Variants in PAPPA2 observed in about 807,000 individuals in gnomAD.
PAPPA2 encodes the protein pappalysin 2.
Under a neutral mutation model 176.4 loss-of-function variants are expected in PAPPA2, and 86 were observed. The ratio of observed to expected loss-of-function variants is 0.49; its 90% confidence interval spans 0.41 to 0.58. PAPPA2 has a LOEUF of 0.58. Among genes scored for constraint, PAPPA2 ranks in the 20% least tolerant of loss-of-function variants. The probability of loss-of-function intolerance (pLI) is 0.00; values close to 1 mark genes in which losing one functional copy is unlikely to be tolerated. For synonymous variants in PAPPA2, 809 were observed against 852.2 expected (o/e 0.95, Z 0.88); for missense variants, 2,073 against 2,256.9 (o/e 0.92, Z 1.65).
rs58591760 is a variant in PAPPA2, at chr1:176,752,342, TAAAAAAA to T, written c.4151+12163_4151+12169del. ...ATGTACCCTAAAACTTAGAGTATAA[TAAAAAAA>T]AAAAAAAAAAAAAAAACATTTACCA... On this transcript the variant is annotated intron_variant, in intron 14 of 22. Transcript: ENST00000367662. Among the ~76,000 whole-genome samples the T allele has an allele frequency of 5.5e-3, 530 of 96,504 alleles. 5 individuals are homozygous for T. The highest frequency in any genetic ancestry group is 0.018 in the African/African-American group (505 of 27,710). 63.3% of individuals were successfully genotyped at this position (96,504 alleles called of 152,430 possible).
intron 3 of PAPPA2, among the ~76,000 whole-genome samples, chr1:176,631,733 G>A (rs1404722849): frequency 6.6e-6 from 1 of 152,162 alleles, no homozygotes; most frequent in Non-Finnish European, 1.5e-5. Flanking sequence ...AATGGAAAGT[G>A]AAAATGTGGA....
chr1:176,790,181 C>G (rs1665114767), intron 18 of PAPPA2, among the ~76,000 whole-genome samples: 2 of 152,114 alleles, frequency 1.3e-5, no homozygotes, highest in African/African-American at 2.4e-5. Context: ...AGAACTTCCT[C>G]TGAGGTAAGA....
intron 1 of PAPPA2, among the ~76,000 whole-genome samples, chr1:176,549,611 T>C (rs1232438873): frequency 6.6e-6 from 1 of 152,210 alleles, no homozygotes; most frequent in Non-Finnish European, 1.5e-5. Context: ...TCTGGGTTGA[T>C]GGAGCTGGAA....
chr1:176,530,131 CATAAATCAGG>C (rs1385776047), intron 1 of PAPPA2, among the ~76,000 whole-genome samples: 2 of 152,202 alleles, frequency 1.3e-5, no homozygotes, highest in African/African-American at 4.8e-5. Flanking sequence ...GCTCTTGAAA[CATAAATCAGG>C]AGGCCCAGGG....
At position 176,678,058 on chromosome 1, in the gene PAPPA2, G is replaced by T. The variant is rs142715985; in HGVS notation, c.2137+6943G>T. Among the ~76,000 whole-genome samples, 774 of 152,278 alleles carry T rather than the reference G, an allele frequency of 5.1e-3. 13 individuals are homozygous for T. The highest frequency in any genetic ancestry group is 0.017 in the African/African-American group (704 of 41,556). On this transcript the variant is annotated intron_variant, in intron 4 of 22. Coordinates refer to ENST00000367662, the MANE Select transcript of PAPPA2 (RefSeq NM_020318.3). ...CTGAAGCTTGAGATGGGAATTGAAG[G>T]ATAAGCAGGAGTTTGCTTGGCAGAC...
At chr1:176,589,760 C>A (rs1028411501) in intron 2 of PAPPA2, among the ~76,000 whole-genome samples, 1 of 152,152 alleles carries the variant, frequency 6.6e-6, no homozygotes, top group African/African-American at 2.4e-5. Flanking sequence ...CATGTACATC[C>A]AAAATTATAA....
intron 22 of PAPPA2, 55 bp downstream of exon 22, chr1:176,840,326 G>GAAT: frequency 3.6e-6 from 5 of 1,375,274 alleles, no homozygotes; most frequent in Non-Finnish European, 5.2e-6. Context: ...ATAAAGGCAG[G>GAAT]GTCTTCAGCT....
At chr1:176,584,363 G>A (rs1653168890) in intron 2 of PAPPA2, among the ~76,000 whole-genome samples, 1 of 151,322 alleles carries the variant, frequency 6.6e-6, no homozygotes, top group Non-Finnish European at 1.5e-5. Flanking sequence ...ATATCCTCTT[G>A]CCGAATTGAT....
At chr1:176,609,380 A>T (rs1446420064) in intron 3 of PAPPA2, among the ~76,000 whole-genome samples, 1 of 152,192 alleles carries the variant, frequency 6.6e-6, no homozygotes, top group African/African-American at 2.4e-5. Flanking sequence ...TATGAACTGT[A>T]AGACAGGCAA....
intron 3 of PAPPA2, among the ~76,000 whole-genome samples, chr1:176,616,937 T>C (rs1286318948): frequency 6.6e-6 from 1 of 152,200 alleles, no homozygotes; most frequent in African/African-American, 2.4e-5. Flanking sequence ...TAATGATAAA[T>C]GAAATGAACC....
At chr1:176,675,986 A>G (rs888419517) in intron 4 of PAPPA2, among the ~76,000 whole-genome samples, 8 of 152,082 alleles carry the variant, frequency 5.3e-5, no homozygotes, top group Non-Finnish European at 1.5e-5. Flanking sequence ...ACAATGTTCA[A>G]TAAAATTAAT....
intron 12 of PAPPA2, among the ~76,000 whole-genome samples, chr1:176,736,308 C>G (rs1362540142): frequency 6.6e-6 from 1 of 151,518 alleles, no homozygotes; most frequent in South Asian, 2.1e-4. Flanking sequence ...TTATTTATCT[C>G]TAATAAAGCA....
intron 5 of PAPPA2, 115 bp from the exon 6 acceptor site, chr1:176,692,011 T>C: frequency 1.1e-6 from 1 of 941,550 alleles, no homozygotes; most frequent in Non-Finnish European, 1.6e-6. Context: ...AAGTAAGTGC[T>C]CATTGAGCCT....
At chr1:176,696,333 A>C (rs1273617328) in intron 7 of PAPPA2, among the ~76,000 whole-genome samples, 1 of 123,070 alleles carries the variant, frequency 8.1e-6, no homozygotes, top group Admixed American at 9.2e-5. Flanking sequence ...CCGCAGAGAA[A>C]ACTCATGTAC....
chr1:176,838,671 G>A (rs956877792), intron 21 of PAPPA2, among the ~76,000 whole-genome samples: 2 of 152,214 alleles, frequency 1.3e-5, no homozygotes, highest in Non-Finnish European at 2.9e-5. Flanking sequence ...AAGTTCTCTA[G>A]AGCCAGAATA....
intron 3 of PAPPA2, among the ~76,000 whole-genome samples, chr1:176,663,202 A>C (rs930281901): frequency 6.6e-6 from 1 of 152,176 alleles, no homozygotes; most frequent in South Asian, 2.1e-4. Context: ...TAGTTTGTGC[A>C]CAGGAGAGTT....
At chr1:176,629,829 G>C (rs1483644661) in intron 3 of PAPPA2, among the ~76,000 whole-genome samples, 2 of 152,140 alleles carry the variant, frequency 1.3e-5, no homozygotes, top group African/African-American at 4.8e-5. Context: ...GAATACATAG[G>C]TTATATTTTA....
intron 1 of PAPPA2, among the ~76,000 whole-genome samples, chr1:176,516,135 G>A (rs891635289): frequency 6.6e-6 from 1 of 152,120 alleles, no homozygotes; most frequent in African/African-American, 2.4e-5. Flanking sequence ...TGTAGGGGAA[G>A]TAGAGCCCCC....
intron 3 of PAPPA2, among the ~76,000 whole-genome samples, chr1:176,634,032 TG>T (rs1254387523): frequency 6.6e-6 from 1 of 152,216 alleles, no homozygotes; most frequent in African/African-American, 2.4e-5. Flanking sequence ...GAAGACAGTG[TG>T]GCGATTCCTC....
Sources: gnomAD v4.1 joint callset for allele counts (sites outside exome capture counted in the v4.1 genomes callset) on GRCh38, gnomAD v4.1.1 for gene constraint, MANE v1.5 for transcripts, NCBI Gene and HGNC (gene_info 2026-07-23, HGNC 2026-07-21) for gene names.